The following ADGRL3 variants were observed in gnomAD, a reference collection of about 807,000 sequenced individuals.
The protein encoded by ADGRL3 is adhesion G protein-coupled receptor L3, also known as calcium-independent alpha-latrotoxin receptor 3.
Under a neutral mutation model 153.5 loss-of-function variants are expected in ADGRL3, and 62 were observed. The ratio of observed to expected loss-of-function variants is 0.40; its 90% CI spans 0.33 to 0.50. The LOEUF is 0.50. Among genes scored for constraint, ADGRL3 ranks in the 20% least tolerant of loss-of-function variants. The pLI is 0.47. For synonymous variants in ADGRL3, 710 were observed against 672.5 expected (o/e 1.06, Z -0.86); for missense variants, 1,641 against 1,859.4 (o/e 0.88, Z 2.16).
chr4:61,721,802 T>A (rs1050711696), intron 6 of ADGRL3, among the ~76,000 whole-genome samples: 5 of 152,108 alleles, frequency 3.3e-5, no homozygotes, highest in African/African-American at 1.2e-4. Flanking sequence ...GCAGATTAGG[T>A]AAGACAAAAA....
intron 21 of ADGRL3, among the ~76,000 whole-genome samples, chr4:62,014,312 G>A (rs2099201401): frequency 6.6e-6 from 1 of 152,116 alleles, no homozygotes; most frequent in Non-Finnish European, 1.5e-5. Flanking sequence ...CTTAAAAGCA[G>A]TAGGTGACAG....
At chr4:61,637,769 C>G (rs943393437) in intron 5 of ADGRL3, among the ~76,000 whole-genome samples, 3 of 151,950 alleles carry the variant, frequency 2.0e-5, no homozygotes, top group Admixed American at 6.6e-5. Flanking sequence ...CCCCCACCCC[C>G]CAAAAACGTC....
intron 2 of ADGRL3, among the ~76,000 whole-genome samples, chr4:61,455,924 T>C (rs929090693): frequency 2.4e-4 from 37 of 152,096 alleles, no homozygotes; most frequent in African/African-American, 8.9e-4. Flanking sequence ...CAAGTGATTC[T>C]CCCACCTCAG....
chr4:62,029,536 G>A (rs775809571), intron 22 of ADGRL3, among the ~76,000 whole-genome samples: 57 of 151,162 alleles, frequency 3.8e-4, no homozygotes, highest in African/African-American at 1.0e-3. Flanking sequence ...GACATTTTTC[G>A]GATGCATACT....
At chr4:61,293,497 G>A (rs1441420407) in intron 1 of ADGRL3, among the ~76,000 whole-genome samples, 1 of 152,070 alleles carries the variant, frequency 6.6e-6, no homozygotes, top group African/African-American at 2.4e-5. Context: ...AAATATATAA[G>A]TAGCTGAAGT....
At chr4:61,892,203 C>A (rs1401106273) in intron 9 of ADGRL3, among the ~76,000 whole-genome samples, 1 of 147,680 alleles carries the variant, frequency 6.8e-6, no homozygotes, top group Non-Finnish European at 1.5e-5. Context: ...TTTGTCCTCT[C>A]ACCTATTTGC....
Position 62,062,604 on chromosome 4 carries a change from T to G in ADGRL3, c.3815-5562T>G, listed in dbSNP as rs188312652. Among the ~76,000 whole-genome samples the G allele has an allele frequency of 1.2e-4, 18 of 152,212 alleles. No individual in the cohort carries two copies. In the East Asian group the frequency reaches 3.3e-3, roughly 28 times the overall value. On this transcript the variant is annotated intron_variant, in intron 25 of 26. Transcript: ENST00000683033. The stretch of plus-strand genomic sequence containing the variant: ...GTCCTAAGTATATTAATAAAACTTC[T>G]CCTCTGATCTTTGCTTCTTGGTTAA...
At chr4:61,716,800 A>C (rs138313919) in intron 6 of ADGRL3, among the ~76,000 whole-genome samples, 1 of 152,196 alleles carries the variant, frequency 6.6e-6, no homozygotes, top group South Asian at 2.1e-4. Context: ...AGATGAAACT[A>C]TGCGTGTTTT....
chr4:61,713,772 G>T (rs1008958159), intron 6 of ADGRL3, among the ~76,000 whole-genome samples: 1 of 152,028 alleles, frequency 6.6e-6, no homozygotes, highest in South Asian at 2.1e-4. Context: ...TACAATAGAG[G>T]TCTATCTAAA....
chr4:61,517,286 T>G (rs1474591594), intron 3 of ADGRL3, 29 bp from the exon 4 acceptor site: 1 of 700,866 alleles, frequency 1.4e-6, no homozygotes, highest in East Asian at 2.7e-5. Flanking sequence ...TGAGCAGGGG[T>G]CTGATGGTGC....
At chr4:61,763,393 G>T (rs538681549) in intron 8 of ADGRL3, among the ~76,000 whole-genome samples, 76 of 151,498 alleles carry the variant, frequency 5.0e-4, no homozygotes, top group Non-Finnish European at 8.4e-4. Context: ...CACTATGTTA[G>T]CAGGCTGGTC....
intron 1 of ADGRL3, among the ~76,000 whole-genome samples, chr4:61,248,999 T>C (rs2149414534): frequency 6.6e-6 from 1 of 152,308 alleles, no homozygotes; most frequent in African/African-American, 2.4e-5. Context: ...CCGTAAGCTT[T>C]CCTTTTCTTG....
intron 5 of ADGRL3, among the ~76,000 whole-genome samples, chr4:61,598,625 T>C (rs1473116808): frequency 6.6e-6 from 1 of 152,106 alleles, no homozygotes; most frequent in Non-Finnish European, 1.5e-5. Context: ...ACCAGCGCTG[T>C]TGGCATCCAT....
chr4:61,933,470 A>T (rs2098826197), intron 13 of ADGRL3, among the ~76,000 whole-genome samples: 1 of 152,132 alleles, frequency 6.6e-6, no homozygotes, highest in Non-Finnish European at 1.5e-5. Context: ...GAAAACGTCC[A>T]GTGTTTAAAC....
At chr4:61,448,690 G>A (rs1337567689) in intron 2 of ADGRL3, among the ~76,000 whole-genome samples, 1 of 149,936 alleles carries the variant, frequency 6.7e-6, no homozygotes, top group Non-Finnish European at 1.5e-5. Context: ...GGCAGTAGAA[G>A]GATAGGAACG....
chr4:61,786,375 G>A (rs1387956715), intron 8 of ADGRL3, among the ~76,000 whole-genome samples: 3 of 152,156 alleles, frequency 2.0e-5, no homozygotes, highest in Non-Finnish European at 1.5e-5. Context: ...AGCACTGTGA[G>A]GATGTAACAT....
intron 5 of ADGRL3, among the ~76,000 whole-genome samples, chr4:61,631,379 T>C (rs533244217): frequency 5.4e-4 from 82 of 152,358 alleles, no homozygotes; most frequent in Admixed American, 9.8e-4. Flanking sequence ...TTAATGCCTT[T>C]AAAAGTTCTA....
chr4:61,442,286 T>C (rs1186490491), intron 2 of ADGRL3, among the ~76,000 whole-genome samples: 1 of 152,194 alleles, frequency 6.6e-6, no homozygotes, highest in Non-Finnish European at 1.5e-5. Context: ...GAGATAATGT[T>C]AACTTTTGGA....
chr4:61,717,480 C>A (rs1359960250), intron 6 of ADGRL3, among the ~76,000 whole-genome samples: 1 of 152,126 alleles, frequency 6.6e-6, no homozygotes, highest in East Asian at 1.9e-4. Flanking sequence ...CTATTTCTTA[C>A]CTGATTTGTG....
Sources: gnomAD v4.1 joint callset for allele counts (sites outside exome capture counted in the v4.1 genomes callset) on GRCh38, gnomAD v4.1.1 for gene constraint, MANE v1.5 for transcripts, NCBI Gene and HGNC (gene_info 2026-07-23, HGNC 2026-07-21) for gene names.